The following FNDC8 variants were observed in gnomAD, a reference collection of about 807,000 sequenced individuals.
FNDC8 encodes the protein fibronectin type III domain-containing protein 8.
In FNDC8, 23 loss-of-function variants were observed where a neutral mutation model predicts 24.8. That is an observed-to-expected ratio of 0.93 (90% CI 0.67 to 1.31). FNDC8 has a LOEUF of 1.31. FNDC8 is among the 40% of genes most tolerant of loss of function. The pLI is 0.00. For synonymous variants in FNDC8, 158 were observed against 165.3 expected (o/e 0.96, Z 0.34); for missense variants, 371 against 398.2 (o/e 0.93, Z 0.58).
At chr17:35,123,453 G>T (rs375146691) in intron 1 of FNDC8, among the ~76,000 whole-genome samples, 3 of 152,078 alleles carry the variant, frequency 2.0e-5, no homozygotes, top group African/African-American at 4.8e-5. Context: ...AATTAAGATC[G>T]GAGGCCAGAT....
intron 2 of FNDC8, 149 bp from the exon 3 acceptor site, chr17:35,129,273 T>C (rs1018845752): frequency 2.1e-6 from 2 of 971,250 alleles, no homozygotes; most frequent in East Asian, 4.8e-5. Flanking sequence ...CACTCAGTGC[T>C]GCAGTACCTT....
At chr17:35,129,776 T>C in intron 3 of FNDC8, 118 bp downstream of exon 3, 1 of 1,465,860 alleles carries the variant, frequency 6.8e-7, no homozygotes. Context: ...TAGCTTTCCT[T>C]CTGCCTGGGT....
intron 1 of FNDC8, among the ~76,000 whole-genome samples, chr17:35,122,354 G>A (rs79007910): frequency 0.015 from 2,188 of 150,890 alleles, 44 homozygotes; most frequent in African/African-American, 0.05. Context: ...TCTAAGAAAG[G>A]CTGGAGCCGA....
In FNDC8 at chr17:35,127,030, C is replaced by T. The variant is rs1203418635; in HGVS notation, c.210-12C>T. On this transcript the variant is annotated splice_polypyrimidine_tract_variant and intron_variant, in intron 1 of 3. Coordinates refer to ENST00000158009, the MANE Select transcript of FNDC8 (RefSeq NM_017559.4). Reference sequence around the variant, plus strand: ...CCTTCATCTGATTCACCTGTCTCCCCTTTTGCTCCAGGAAGCCGCTGCCAG... The same window carrying T: ...CCTTCATCTGATTCACCTGTCTCCCTTTTTGCTCCAGGAAGCCGCTGCCAG... 1.3e-6 allele frequency: 2 copies of T among 1,566,106 alleles called. No homozygotes were observed. Among genetic ancestry groups the T allele is most frequent in the Admixed American group, 1.8e-5 (1 of 55,610 alleles).
Position 35,130,378 on chromosome 17 carries a change from A to G in FNDC8, c.919A>G (p.Ile307Val), listed in dbSNP as rs780753986. 9.9e-6 allele frequency: 16 copies of G among 1,613,996 alleles called. No homozygotes were observed. In the African/African-American group the frequency reaches 1.5e-4, roughly 15 times the overall value. Residue 307 changes from isoleucine (I) to valine (V), a missense_variant, in exon 4 of 4, where the codon ATC becomes GTC. Physicochemically the swap from Ile to Val is conservative, Grantham distance 29. Coordinates refer to ENST00000158009, the MANE Select transcript of FNDC8 (RefSeq NM_017559.4). The part of the protein sequence containing the change: ...RKEPRQKIVS[I>V]GPEEMRRLED... The stretch of plus-strand genomic sequence containing the variant: ...GGAACCCCGGCAAAAGATCGTGTCC[A>G]TCGGGCCGGAGGAGATGCGGAGGCT...
chr17:35,122,210 A>ATATATATATATT (rs1567738668), intron 1 of FNDC8, among the ~76,000 whole-genome samples: 1 of 44,798 alleles, frequency 2.2e-5, no homozygotes, highest in Non-Finnish European at 4.3e-5. Context: ...ATATATATAA[A>ATATATATATATT]TTTTTTTTTT....
chr17:35,122,011 A>C (rs1173934939), intron 1 of FNDC8, 109 bp downstream of exon 1: 27 of 790,986 alleles, frequency 3.4e-5, no homozygotes, highest in Non-Finnish European at 4.7e-5. Flanking sequence ...TTTTGACAGG[A>C]TCTTGCTTTG....
intron 1 of FNDC8, among the ~76,000 whole-genome samples, chr17:35,122,924 G>T (rs1488965525): frequency 6.6e-6 from 1 of 152,198 alleles, no homozygotes; most frequent in African/African-American, 2.4e-5. Flanking sequence ...TAAGTGCCAG[G>T]ACAGGATGCC....
In FNDC8 at chr17:35,121,821, G is replaced by T. The variant is rs199659185; in HGVS notation, c.128G>T (p.Arg43Leu). Reference sequence around the variant, plus strand: ...TTTTCAAACCCCAAGTCTATGAACCGGACCGTCACTACCAAAGGACTCCCA... The same window carrying T: ...TTTTCAAACCCCAAGTCTATGAACCTGACCGTCACTACCAAAGGACTCCCA... ...KPFSNPKSMNRTVTTKGLPLA... is the reference protein window; with the variant it reads ...KPFSNPKSMNLTVTTKGLPLA... Residue 43 changes from arginine to leucine, a missense_variant, in exon 1 of 4, where the codon CGG becomes CTG. Transcript: ENST00000158009. The T allele has an allele frequency of 4.3e-6, 7 of 1,613,460 alleles. No individual in the cohort carries two copies. The highest frequency in any genetic ancestry group is 2.7e-5 in the African/African-American group (2 of 74,702).
intron 1 of FNDC8, among the ~76,000 whole-genome samples, chr17:35,125,214 G>A (rs985306028): frequency 6.6e-6 from 1 of 152,036 alleles, no homozygotes; most frequent in African/African-American, 2.4e-5. Flanking sequence ...ACTTTGGGAG[G>A]ATCACTTGAG....
In FNDC8 at chr17:35,130,608, A is replaced by C; in HGVS notation, c.*174A>C. 1 of 638,982 alleles carries C rather than the reference A, an allele frequency of 1.6e-6. No individual in the cohort carries two copies. The highest frequency in any genetic ancestry group is 2.6e-6 in the Non-Finnish European group (1 of 378,956). 39.6% of individuals were successfully genotyped at this position (638,982 alleles called of 1,614,324 possible). On this transcript the variant is annotated 3_prime_UTR_variant, in exon 4 of 4. Coordinates refer to ENST00000158009, the MANE Select transcript of FNDC8 (RefSeq NM_017559.4). ...CCAAGGCTACATAGGGGCCCCATTC[A>C]CCTGGAGGCATCTCAGGCCAGGCCA...
In FNDC8 at chr17:35,127,081, T is replaced by G. The variant is rs541247303; in HGVS notation, c.249T>G (p.Asp83Glu). 1.1e-5 allele frequency: 17 copies of G among 1,612,504 alleles called. No individual in the cohort carries two copies. The East Asian group carries it at 3.3e-4, about 32-fold the overall frequency. ...TAGAGGATTCAGACTGCAGCTCTGATGAGACCAGCATCTCTGCCTTCTCAT... is the reference window on the plus strand; with the variant it reads ...TAGAGGATTCAGACTGCAGCTCTGAGGAGACCAGCATCTCTGCCTTCTCAT... ...LPVEDSDCSSDETSISAFSST... is the reference protein window; with the variant it reads ...LPVEDSDCSSEETSISAFSST... Residue 83 changes from aspartate to glutamate, a missense_variant, in exon 2 of 4, where the codon GAT (aspartate) becomes GAG (glutamate). Coordinates refer to ENST00000158009, the MANE Select transcript of FNDC8 (RefSeq NM_017559.4).
chr17:35,124,955 C>T (rs1433643082), intron 1 of FNDC8, among the ~76,000 whole-genome samples: 3 of 148,688 alleles, frequency 2.0e-5, no homozygotes, highest in African/African-American at 5.0e-5. Flanking sequence ...GGCTGAGGCA[C>T]GAGAATCGCT....
chr17:35,121,976 T>C lies in FNDC8; in HGVS notation c.209+74T>C, dbSNP rs867557419. ...CTTCCTCCCTTCCTTCCTCCCTTCC[T>C]TCCTTCCTTCCTTTTTTTTTTTTTT... On this transcript the variant is annotated intron_variant, in intron 1 of 3. Transcript: ENST00000158009. 159 of 939,002 alleles carry C rather than the reference T, an allele frequency of 1.7e-4. 4 individuals carry two copies. The Middle Eastern group carries it at 3.7e-3, about 22-fold the overall frequency. 58.2% of individuals were successfully genotyped at this position (939,002 alleles called of 1,614,324 possible). A position where few individuals can be genotyped will look rare whatever the true frequency, so the allele number is the denominator to read the frequency against.
intron 1 of FNDC8, among the ~76,000 whole-genome samples, chr17:35,124,392 G>A (rs1597882506): frequency 1.3e-5 from 2 of 152,114 alleles, no homozygotes; most frequent in African/African-American, 2.4e-5. Context: ...GCTGAACATG[G>A]TGGCCGCACC....
chr17:35,122,198 ATATATATAT>A (rs1399636656), intron 1 of FNDC8, among the ~76,000 whole-genome samples: 386 of 18,860 alleles, frequency 0.02, 36 homozygotes, highest in East Asian at 0.054. Context: ...ATATATATAT[ATATATATAT>A]AAATTTTTTT....
At position 35,127,173 on chromosome 17, in the gene FNDC8, T is replaced by C. The variant is rs762783126; in HGVS notation, c.341T>C (p.Leu114Pro). The change falls in exon 2 of 4, where the codon CTG becomes CCG. Residue 114 changes from leucine to proline, a missense_variant. Transcript: ENST00000158009. ...QPNSSFFAGM[L>P]EGELNKLSFS... ...AACAGCAGCTTCTTTGCAGGGATGC[T>C]GGAGGGGGAGCTGAACAAACTCAGC... The C allele has an allele frequency of 2.5e-5, 41 of 1,614,092 alleles. No individual in the cohort carries two copies. The Admixed American group carries it at 6.8e-4, about 27-fold the overall frequency.
Position 35,129,664 on chromosome 17 carries a change from C to T in FNDC8, c.822+6C>T. Reference sequence around the variant, plus strand: ...AGTGGTGCAAGCCCTACAAAGTGAGCCCTGGGAAAAGAGGGGCCTTGGGGG... The same window carrying T: ...AGTGGTGCAAGCCCTACAAAGTGAGTCCTGGGAAAAGAGGGGCCTTGGGGG... On this transcript the variant is annotated splice_donor_region_variant and intron_variant, in intron 3 of 3. Transcript: ENST00000158009. 1 of 1,612,724 alleles carries T rather than the reference C, an allele frequency of 6.2e-7. No homozygotes were observed.
intron 2 of FNDC8, among the ~76,000 whole-genome samples, chr17:35,128,562 G>A (rs1016095627): frequency 7.9e-5 from 12 of 152,180 alleles, no homozygotes; most frequent in Non-Finnish European, 1.0e-4. Context: ...CTTAATTGCC[G>A]TATGATGATG....
Sources: allele counts gnomAD v4.1 joint callset (sites outside exome capture counted in the v4.1 genomes callset), GRCh38; gene constraint gnomAD v4.1.1; transcripts MANE v1.5; gene names NCBI Gene and HGNC (gene_info 2026-07-23, HGNC 2026-07-21).